STK32C: variants seen among roughly 807,000 people sequenced by gnomAD.
STK32C encodes the protein serine/threonine-protein kinase 32C.
In STK32C, 31 loss-of-function variants were observed where a neutral mutation model predicts 56.5. That is an observed-to-expected ratio of 0.55 (90% CI 0.41 to 0.74). STK32C has a LOEUF of 0.74. Ranked by LOEUF, STK32C falls within the 30% of genes least tolerant of loss-of-function variation. The pLI is 0.00. For synonymous variants in STK32C, 309 were observed against 289.4 expected (o/e 1.07, Z -0.69); for missense variants, 544 against 676.9 (o/e 0.80, Z 2.18).
intron 1 of STK32C, among the ~76,000 whole-genome samples, chr10:132,288,185 G>C (rs956405962): frequency 2.0e-5 from 3 of 152,018 alleles, no homozygotes; most frequent in African/African-American, 7.3e-5. Flanking sequence ...GGGAAGAAGA[G>C]GGGAAAAAAA....
intron 1 of STK32C, among the ~76,000 whole-genome samples, chr10:132,300,680 G>A (rs2065885626): frequency 6.6e-6 from 1 of 152,188 alleles, no homozygotes; most frequent in Non-Finnish European, 1.5e-5. Flanking sequence ...GAGAGGGGAG[G>A]GGCCTGCGTC....
At chr10:132,309,481 A>G (rs2066179578), upstream of STK32C, among the ~76,000 whole-genome samples, 1 of 152,242 alleles carries the variant, frequency 6.6e-6, no homozygotes, top group East Asian at 1.9e-4. Context: ...TTACCTGACC[A>G]ACCAGCCACC....
At chr10:132,239,512 C>A (rs367671887) in intron 2 of STK32C, among the ~76,000 whole-genome samples, 1 of 152,256 alleles carries the variant, frequency 6.6e-6, no homozygotes, top group African/African-American at 2.4e-5. Context: ...AGATGGGGGT[C>A]GCTCCATGCC....
intron 1 of STK32C, among the ~76,000 whole-genome samples, chr10:132,252,206 G>A (rs190809851): frequency 2.1e-4 from 32 of 152,366 alleles, no homozygotes; most frequent in Non-Finnish European, 3.8e-4. Flanking sequence ...GCCCATTCCA[G>A]ACCCAGGAAG....
At chr10:132,209,779 C>T (rs2062231768) in intron 10 of STK32C, among the ~76,000 whole-genome samples, 1 of 152,176 alleles carries the variant, frequency 6.6e-6, no homozygotes, top group Non-Finnish European at 1.5e-5. Flanking sequence ...TTGGTCACTA[C>T]CAACGCGTGA....
At chr10:132,289,332 A>T (rs1275485478) in intron 1 of STK32C, among the ~76,000 whole-genome samples, 1 of 152,246 alleles carries the variant, frequency 6.6e-6, no homozygotes, top group Admixed American at 6.5e-5. Flanking sequence ...GGAGACACAG[A>T]CTACTCATCA....
intron 1 of STK32C, among the ~76,000 whole-genome samples, chr10:132,289,772 T>C (rs1260991836): frequency 6.6e-6 from 1 of 152,184 alleles, no homozygotes; most frequent in African/African-American, 2.4e-5. Flanking sequence ...TCAAAAGGGT[T>C]CCACCCTTAT....
At chr10:132,288,432 T>G (rs1238543065) in intron 1 of STK32C, among the ~76,000 whole-genome samples, 1 of 152,242 alleles carries the variant, frequency 6.6e-6, no homozygotes, top group Non-Finnish European at 1.5e-5. Context: ...AGATGCAGAA[T>G]TGGCTCCTGT....
chr10:132,326,033 C>G (rs1472973848), intron 1 of STK32C, among the ~76,000 whole-genome samples: 1 of 151,980 alleles, frequency 6.6e-6, no homozygotes, highest in Non-Finnish European at 1.5e-5. Flanking sequence ...ATGTCTTTAT[C>G]AGCAGCGTGA....
intron 1 of STK32C, among the ~76,000 whole-genome samples, chr10:132,282,665 C>T (rs1355135637): frequency 6.6e-6 from 1 of 152,214 alleles, no homozygotes; most frequent in Non-Finnish European, 1.5e-5. Flanking sequence ...ATAATAATAA[C>T]AACGACGACG....
chr10:132,313,986 A>G (rs2066268595), intron 1 of STK32C, among the ~76,000 whole-genome samples: 1 of 152,194 alleles, frequency 6.6e-6, no homozygotes, highest in Non-Finnish European at 1.5e-5. Context: ...GTTCGCAGGC[A>G]GAGTCTCTCT....
At chr10:132,309,531 C>CT (rs2066180798), upstream of STK32C, among the ~76,000 whole-genome samples, 1 of 152,254 alleles carries the variant, frequency 6.6e-6, no homozygotes, top group Non-Finnish European at 1.5e-5. Flanking sequence ...GCATCGGTCT[C>CT]TAACTTCCAG....
chr10:132,225,233 C>T lies in STK32C; in HGVS notation c.876G>A (p.Trp292Ter). 1 of 1,606,746 alleles carries T rather than the reference C, an allele frequency of 6.2e-7. No homozygotes were observed. Among genetic ancestry groups the T allele is most frequent in the Non-Finnish European group, 8.5e-7 (1 of 1,176,490 alleles). Residue 292 changes from tryptophan to a stop codon, truncating the protein, a stop_gained and splice_region_variant, in exon 7 of 12, where the codon TGG (tryptophan) becomes TGA (stop). Coordinates refer to ENST00000298630, the MANE Select transcript of STK32C (RefSeq NM_173575.4). LOFTEE classifies it high-confidence loss of function. ...CCCAGGGGCTGCAGGGGGTCCATAC[C>T]CATCCTCGCAGCAGCTCATAGGCCA... is the stretch of plus-strand genomic sequence containing the variant. ...GVMAYELLRG[W>*]RPYDIHSSNA...
At chr10:132,235,501 A>C (rs1287304989) in intron 2 of STK32C, among the ~76,000 whole-genome samples, 2 of 151,058 alleles carry the variant, frequency 1.3e-5, no homozygotes, top group African/African-American at 2.4e-5. Context: ...CCTTAAAAAA[A>C]AAAAAAAAAA....
At chr10:132,276,784 T>C (rs1282499447) in intron 1 of STK32C, among the ~76,000 whole-genome samples, 2 of 128,214 alleles carry the variant, frequency 1.6e-5, no homozygotes, top group Non-Finnish European at 3.7e-5. Context: ...AGACCCTGCC[T>C]CAAAAAAAAA....
chr10:132,314,121 G>A (rs1271223525), intron 1 of STK32C, among the ~76,000 whole-genome samples: 3 of 152,186 alleles, frequency 2.0e-5, no homozygotes, highest in Non-Finnish European at 4.4e-5. Flanking sequence ...CCTGGGCCCC[G>A]CCCTTCTCTG....
chr10:132,220,428 G>A (rs1590156085), intron 10 of STK32C, among the ~76,000 whole-genome samples: 1 of 152,222 alleles, frequency 6.6e-6, no homozygotes, highest in African/African-American at 2.4e-5. Context: ...TTTTAAATCT[G>A]CTGATTAAAA....
intron 1 of STK32C, among the ~76,000 whole-genome samples, chr10:132,297,817 C>T (rs1280790540): frequency 6.6e-6 from 1 of 152,224 alleles, no homozygotes; most frequent in Non-Finnish European, 1.5e-5. Context: ...GGTGCACACC[C>T]GCCTGGTCTC....
intron 1 of STK32C, among the ~76,000 whole-genome samples, chr10:132,331,013 C>T (rs1341054773): frequency 2.0e-5 from 3 of 150,660 alleles, no homozygotes. Context: ...CCAGCCTGGC[C>T]AACATGATGA....
Sources: gnomAD v4.1 joint callset for allele counts (sites outside exome capture counted in the v4.1 genomes callset) on GRCh38, gnomAD v4.1.1 for gene constraint, MANE v1.5 for transcripts, NCBI Gene and HGNC (gene_info 2026-07-23, HGNC 2026-07-21) for gene names.